The following FRMD3 variants were observed in gnomAD, a reference collection of about 807,000 sequenced individuals.
FRMD3 encodes FERM domain containing 3.
FRMD3 carries 33 observed loss-of-function variants against 70.2 expected under a neutral mutation model. That is an observed-to-expected ratio of 0.47 (90% CI 0.36 to 0.63). The LOEUF is 0.63. FRMD3 is among the 20% of genes least tolerant of loss of function. The pLI, the probability that FRMD3 is intolerant of heterozygous loss-of-function variation, is 0.00. For synonymous variants in FRMD3, 279 were observed against 255.9 expected (o/e 1.09, Z -0.86); for missense variants, 632 against 711.4 (o/e 0.89, Z 1.27).
At chr9:83,407,837 G>GTCTCTC (rs761983764) in intron 1 of FRMD3, among the ~76,000 whole-genome samples, 5,467 of 103,392 alleles carry the variant, frequency 0.053, 339 homozygotes, top group Admixed American at 0.087. Flanking sequence ...GGGTTGTTGA[G>GTCTCTC]TCTCTCTCTC....
intron 1 of FRMD3, among the ~76,000 whole-genome samples, chr9:83,404,622 GA>G (rs1334405108): frequency 6.6e-6 from 1 of 151,208 alleles, no homozygotes; most frequent in Non-Finnish European, 1.5e-5. Context: ...AATATAAAAT[GA>G]AAAAAAATAG....
At chr9:83,325,631 A>G (rs531798966) in intron 6 of FRMD3, among the ~76,000 whole-genome samples, 2 of 152,140 alleles carry the variant, frequency 1.3e-5, no homozygotes, top group African/African-American at 4.8e-5. Flanking sequence ...CACCTAAAAA[A>G]TTCATTTAAA....
chr9:83,261,130 C>CACACACACAT, intron 13 of FRMD3, among the ~76,000 whole-genome samples: 1 of 139,146 alleles, frequency 7.2e-6, no homozygotes, highest in Non-Finnish European at 1.6e-5. Context: ...CACACACACA[C>CACACACACAT]ACACACACAC....
the FRMD3 span, among the ~76,000 whole-genome samples, chr9:83,565,473 A>G: frequency 6.6e-6 from 1 of 152,052 alleles, no homozygotes; most frequent in African/African-American, 2.4e-5. Context: ...TGGGGCATCC[A>G]CCCTCAGAAC....
intron 1 of FRMD3, among the ~76,000 whole-genome samples, chr9:83,492,729 G>C (rs1004713557): frequency 6.6e-6 from 1 of 152,190 alleles, no homozygotes; most frequent in African/African-American, 2.4e-5. Flanking sequence ...CCTCGACCCA[G>C]TTCCTCAGCC....
chr9:83,557,751 G>A, the FRMD3 span, among the ~76,000 whole-genome samples: 10 of 152,094 alleles, frequency 6.6e-5, no homozygotes, highest in Non-Finnish European at 1.3e-4. Flanking sequence ...GATCTGGGGG[G>A]AAAAACGAAA....
At chr9:83,572,275 G>C in the FRMD3 span, among the ~76,000 whole-genome samples, 1 of 152,118 alleles carries the variant, frequency 6.6e-6, no homozygotes, top group Non-Finnish European at 1.5e-5. Context: ...AAGAGATGGG[G>C]ATAGTGGAAA....
At chr9:83,327,731 C>T (rs983451661) in intron 6 of FRMD3, among the ~76,000 whole-genome samples, 1 of 152,180 alleles carries the variant, frequency 6.6e-6, no homozygotes, top group African/African-American at 2.4e-5. Flanking sequence ...GATTTTAATA[C>T]ATTCAGATCG....
intron 1 of FRMD3, among the ~76,000 whole-genome samples, chr9:83,496,983 G>A (rs529647323): frequency 1.9e-4 from 29 of 152,118 alleles, no homozygotes; most frequent in African/African-American, 5.8e-4. Flanking sequence ...GTGTGGTGGC[G>A]GGCACCTGTA....
At chr9:83,513,402 C>T (rs1009741850) in intron 1 of FRMD3, among the ~76,000 whole-genome samples, 28 of 152,116 alleles carry the variant, frequency 1.8e-4, no homozygotes, top group African/African-American at 6.8e-4. Flanking sequence ...CACTGGATTA[C>T]CTTTTGTATT....
chr9:83,289,073 G>A (rs999215696), intron 13 of FRMD3, among the ~76,000 whole-genome samples: 3 of 151,914 alleles, frequency 2.0e-5, no homozygotes, highest in Non-Finnish European at 2.9e-5. Context: ...TTTAAACTTG[G>A]GATAATCATG....
rs138754244 is a variant in FRMD3 at position 83,451,776 on chromosome 9, G to A, written c.148-62068C>T. ...CAAATCAGAACTTGGTCGCTTCTCT[G>A]CCTCTCACCTTAATAGATAAAACTG... On this transcript the variant is annotated intron_variant, in intron 1 of 13. Coordinates refer to ENST00000304195, the MANE Select transcript of FRMD3 (RefSeq NM_174938.6). Among the ~76,000 whole-genome samples, 859 of 152,182 alleles carry A rather than the reference G, an allele frequency of 5.6e-3. 8 individuals are homozygous for A. The highest frequency in any genetic ancestry group is 6.8e-3 in the Non-Finnish European group (463 of 68,006).
chr9:83,450,370 T>TTTTTTTTTTTTTTTTTTTTTTTA (rs60674885), intron 1 of FRMD3, among the ~76,000 whole-genome samples: 1 of 120,752 alleles, frequency 8.3e-6, no homozygotes. Context: ...TTTTTTTTTT[T>TTTTTTTTTTTTTTTTTTTTTTTA]ATTATACTCT....
chr9:83,465,742 A>AAATC (rs2131448251), intron 1 of FRMD3, among the ~76,000 whole-genome samples: 1 of 152,246 alleles, frequency 6.6e-6, no homozygotes, highest in East Asian at 1.9e-4. Flanking sequence ...CACTGAAATT[A>AAATC]AATCTCTCAG....
rs116006869 is a variant in FRMD3, at chr9:83,302,398, G to C, written c.927-3212C>G. On this transcript the variant is annotated intron_variant, in intron 10 of 13. Transcript: ENST00000304195. Reference sequence around the variant, plus strand: ...GTGACATTTCACCTGAAAGAACAGTGGTCCAGATTCCTATTCACGTCTGGT... The same window carrying C: ...GTGACATTTCACCTGAAAGAACAGTCGTCCAGATTCCTATTCACGTCTGGT... 4.2e-3 allele frequency among the ~76,000 whole-genome samples: 633 copies of C among 152,250 alleles called. 2 individuals carry two copies. Among genetic ancestry groups the C allele is most frequent in the African/African-American group, 0.014 (588 of 41,552 alleles).
intron 13 of FRMD3, among the ~76,000 whole-genome samples, chr9:83,262,747 C>G (rs972489043): frequency 6.6e-6 from 1 of 152,134 alleles, no homozygotes; most frequent in Non-Finnish European, 1.5e-5. Context: ...GTCCTCTGCA[C>G]CCAGATAGCT....
chr9:83,509,780 C>T (rs1026481443), intron 1 of FRMD3, among the ~76,000 whole-genome samples: 13 of 149,546 alleles, frequency 8.7e-5, no homozygotes, highest in African/African-American at 3.0e-4. Flanking sequence ...AATACGCACA[C>T]GCGCGCGCAC....
intron 1 of FRMD3, among the ~76,000 whole-genome samples, chr9:83,508,515 C>T (rs191263322): frequency 6.6e-6 from 1 of 152,264 alleles, no homozygotes; most frequent in Middle Eastern, 3.4e-3. Context: ...TACAAACTCC[C>T]ACAGAATTGG....
chr9:83,489,474 A>G (rs1226951903), intron 1 of FRMD3, among the ~76,000 whole-genome samples: 1 of 152,206 alleles, frequency 6.6e-6, no homozygotes, highest in Non-Finnish European at 1.5e-5. Flanking sequence ...TTCAAAACAC[A>G]ACATAGAAGC....
Sources: gnomAD v4.1 joint callset for allele counts (sites outside exome capture counted in the v4.1 genomes callset) on GRCh38, gnomAD v4.1.1 for gene constraint, MANE v1.5 for transcripts, NCBI Gene and HGNC (gene_info 2026-07-23, HGNC 2026-07-21) for gene names.